The following CTNNA3 variants were observed in gnomAD, a reference collection of about 807,000 sequenced individuals.
CTNNA3 encodes the protein catenin alpha-3.
CTNNA3 carries 76 observed loss-of-function variants against 95.7 expected under a neutral mutation model. The observed-to-expected ratio is 0.79, with a 90% CI of 0.66 to 0.96. The LOEUF (loss-of-function observed/expected upper bound fraction) is 0.96, where lower values mean the gene tolerates loss of function less well. Among genes scored for constraint, CTNNA3 ranks in the 40% least tolerant of loss-of-function variants. The probability of loss-of-function intolerance (pLI) is 0.00; values close to 1 mark genes in which losing one functional copy is unlikely to be tolerated. For missense variants in CTNNA3, 1,191 were observed against 1,089.8 expected, an observed-to-expected ratio of 1.09 and a Z score of -1.31; for synonymous variants, 431 against 374.4, an observed-to-expected ratio of 1.15 and a Z score of -1.74.
At chr10:66,177,020 G>A (rs2085749920) in intron 13 of CTNNA3, among the ~76,000 whole-genome samples, 1 of 151,980 alleles carries the variant, frequency 6.6e-6, no homozygotes, top group African/African-American at 2.4e-5. Flanking sequence ...AGCGAAGGAG[G>A]GATCAGACGG....
rs376608254 is a variant in CTNNA3, at chr10:66,208,364, G to A, written c.1884+72106C>T. On this transcript the variant is annotated intron_variant, in intron 13 of 17. Coordinates refer to ENST00000433211, the MANE Select transcript of CTNNA3 (RefSeq NM_013266.4). ...GAAAGGACAACCTCAGATGATTTTA[G>A]CATCATTTTAGCAGCATTCCTAGGC... Among the ~76,000 whole-genome samples, 60 of 152,090 alleles carry A rather than the reference G, an allele frequency of 3.9e-4. No individual in the cohort carries two copies. The South Asian group carries it at 0.011, about 27-fold the overall frequency.
intron 9 of CTNNA3, among the ~76,000 whole-genome samples, chr10:66,693,817 C>T (rs1421353148): frequency 3.7e-4 from 57 of 152,088 alleles, no homozygotes; most frequent in Admixed American, 3.7e-3. Flanking sequence ...TCACTCAAAA[C>T]CACTCAACTA....
At chr10:67,029,311 G>A (rs1355445199) in intron 7 of CTNNA3, among the ~76,000 whole-genome samples, 2 of 152,176 alleles carry the variant, frequency 1.3e-5, no homozygotes, top group Non-Finnish European at 2.9e-5. Context: ...AAATCCATTT[G>A]GAGGATATTA....
chr10:66,837,074 T>A (rs1237205273), intron 7 of CTNNA3, among the ~76,000 whole-genome samples: 1 of 152,018 alleles, frequency 6.6e-6, no homozygotes, highest in Admixed American at 6.6e-5. Flanking sequence ...AAATTCCTGA[T>A]CAATGTGCAG....
rs1209383248 is a variant in CTNNA3, at chr10:67,037,620, G to A, written c.1047+142697C>T. 1.1e-4 allele frequency among the ~76,000 whole-genome samples: 17 copies of A among 152,248 alleles called. No individual in the cohort carries two copies. The East Asian group carries it at 3.3e-3, about 29-fold the overall frequency. Reference sequence around the variant, plus strand: ...GAATTAGAAAGCTGTGAAAAATGATGAAAACCTGAACTAAGACACTAACAG... The same window carrying A: ...GAATTAGAAAGCTGTGAAAAATGATAAAAACCTGAACTAAGACACTAACAG... On this transcript the variant is annotated intron_variant, in intron 7 of 17. Transcript: ENST00000433211.
chr10:67,417,224 T>C (rs900384846), intron 5 of CTNNA3, among the ~76,000 whole-genome samples: 1 of 152,140 alleles, frequency 6.6e-6, no homozygotes, highest in Admixed American at 6.5e-5. Flanking sequence ...ACGTTTGCAC[T>C]TATAAGTGGG....
At chr10:66,333,019 G>A (rs2092350121) in intron 12 of CTNNA3, among the ~76,000 whole-genome samples, 1 of 152,034 alleles carries the variant, frequency 6.6e-6, no homozygotes, top group Non-Finnish European at 1.5e-5. Context: ...TTGTGTAGAG[G>A]TGTTTATAGT....
chr10:67,424,906 T>C (rs1845865466), intron 5 of CTNNA3, among the ~76,000 whole-genome samples: 1 of 152,214 alleles, frequency 6.6e-6, no homozygotes, highest in African/African-American at 2.4e-5. Context: ...CCACTTCTTT[T>C]GAAAATACTC....
chr10:66,074,023 A>G (rs943964532), intron 14 of CTNNA3, among the ~76,000 whole-genome samples: 2 of 151,990 alleles, frequency 1.3e-5, no homozygotes, highest in Admixed American at 1.3e-4. Context: ...CTATCTCCTA[A>G]GGGTAATCAC....
At chr10:67,358,747 C>T (rs747044275) in intron 5 of CTNNA3, among the ~76,000 whole-genome samples, 12 of 152,124 alleles carry the variant, frequency 7.9e-5, no homozygotes, top group African/African-American at 1.2e-4. Flanking sequence ...AGTCTCCTTA[C>T]AACTGACCTT....
chr10:66,761,819 G>A (rs546366323), intron 9 of CTNNA3, among the ~76,000 whole-genome samples: 1 of 152,092 alleles, frequency 6.6e-6, no homozygotes, highest in Non-Finnish European at 1.5e-5. Context: ...AGTCTATAGA[G>A]TCTGCTTTTG....
chr10:67,148,759 C>T (rs1860952890), intron 7 of CTNNA3, among the ~76,000 whole-genome samples: 1 of 152,080 alleles, frequency 6.6e-6, no homozygotes, highest in Non-Finnish European at 1.5e-5. Flanking sequence ...AAACACATAG[C>T]AATTTATAGG....
intron 15 of CTNNA3, among the ~76,000 whole-genome samples, chr10:66,046,032 T>C (rs1195004975): frequency 1.3e-5 from 2 of 150,808 alleles, no homozygotes; most frequent in Non-Finnish European, 3.0e-5. Context: ...AAGGGGTGAG[T>C]AATACAATGC....
chr10:67,617,373 C>T (rs573010306), intron 2 of CTNNA3, among the ~76,000 whole-genome samples: 1 of 151,946 alleles, frequency 6.6e-6, no homozygotes, highest in East Asian at 1.9e-4. Context: ...TCTGTTCCTG[C>T]ATTAGTTTGC....
intron 10 of CTNNA3, among the ~76,000 whole-genome samples, chr10:66,551,896 C>CTTTTTTTTTTTT (rs141885331): frequency 1.8e-5 from 2 of 113,964 alleles, no homozygotes; most frequent in East Asian, 3.4e-4. Context: ...TTTTCTTTTC[C>CTTTTTTTTTTTT]TTTTTTTTTT....
chr10:66,378,215 A>G (rs983281574), intron 12 of CTNNA3, among the ~76,000 whole-genome samples: 1 of 152,212 alleles, frequency 6.6e-6, no homozygotes, highest in African/African-American at 2.4e-5. Context: ...AATTAAAAAA[A>G]TGACTCATCT....
chr10:66,448,874 T>C (rs2093443236), intron 11 of CTNNA3, among the ~76,000 whole-genome samples: 1 of 152,038 alleles, frequency 6.6e-6, no homozygotes, highest in African/African-American at 2.4e-5. Flanking sequence ...TAAACTTTAA[T>C]GACCTTTTGA....
intron 7 of CTNNA3, among the ~76,000 whole-genome samples, chr10:66,884,455 C>T (rs1338825152): frequency 1.3e-5 from 2 of 152,048 alleles, no homozygotes; most frequent in African/African-American, 4.8e-5. Context: ...GCCAGCTGGC[C>T]TATCAAAAGG....
At chr10:66,770,323 T>C (rs1272234432) in intron 8 of CTNNA3, among the ~76,000 whole-genome samples, 1 of 152,220 alleles carries the variant, frequency 6.6e-6, no homozygotes, top group Non-Finnish European at 1.5e-5. Context: ...CCGCATTATT[T>C]TCCTGCCCAG....
Sources: allele counts gnomAD v4.1 joint callset (sites outside exome capture counted in the v4.1 genomes callset), GRCh38; gene constraint gnomAD v4.1.1; transcripts MANE v1.5; gene names NCBI Gene and HGNC (gene_info 2026-07-23, HGNC 2026-07-21).